The following TRIM32 variants were observed in gnomAD, a reference collection of about 807,000 sequenced individuals.
TRIM32 encodes E3 ubiquitin-protein ligase TRIM32.
A neutral mutation model predicts 36.0 loss-of-function variants in TRIM32; 19 were observed. The ratio of observed to expected loss-of-function variants is 0.53; its 90% CI spans 0.37 to 0.77. TRIM32 has a LOEUF of 0.77. Among genes scored for constraint, TRIM32 ranks in the 30% least tolerant of loss-of-function variants. The probability of loss-of-function intolerance (pLI) is 0.00; values close to 1 mark genes in which losing one functional copy is unlikely to be tolerated. For missense variants in TRIM32, 747 were observed against 845.2 expected (o/e 0.88, Z 1.44); for synonymous variants, 309 against 318.5 (o/e 0.97, Z 0.32).
chr9:116,687,353 G>T lies in TRIM32; in HGVS notation c.-110G>T. 1.2e-6 allele frequency: 1 copy of T among 803,244 alleles called. No individual in the cohort carries two copies. The highest frequency in any genetic ancestry group is 1.5e-6 in the Non-Finnish European group (1 of 664,338). 49.8% of individuals were successfully genotyped at this position (803,244 alleles called of 1,614,324 possible). On this transcript the variant is annotated 5_prime_UTR_variant, in exon 1 of 2. Transcript: ENST00000450136. ...GAGGCAGGCGGGTGGGCTGCCGGCG[G>T]TGGACTCGTCGGAGCCGCGGGCGGT...
chr9:116,697,838 G>A lies in TRIM32; in HGVS notation c.96G>A (p.Leu32=). 1 of 1,614,192 alleles carries A rather than the reference G, an allele frequency of 6.2e-7. No individual in the cohort carries two copies. The part of the protein sequence containing the change: ...ICMESFTEEQ[L]RPKLLHCGHT... ...TGGAGTCCTTCACAGAAGAGCAGCT[G>A]CGTCCCAAGCTTCTGCACTGTGGCC... Residue 32 remains leucine (L), a synonymous_variant, in exon 2 of 2, where the codon CTG becomes CTA. Transcript: ENST00000450136.
In TRIM32 at chr9:116,699,693, T is replaced by C. The variant is rs1402865703; in HGVS notation, c.1951T>C (p.Ser651Pro). ...CTACAGCTACCATCTGAGAAGATATTCCACCCCATAGGGGATGAGAAATTA... is the reference window on the plus strand; with the variant it reads ...CTACAGCTACCATCTGAGAAGATATCCCACCCCATAGGGGATGAGAAATTA... Reference protein sequence around the residue: ...KIYSYHLRRYSTP With the variant: ...KIYSYHLRRYPTP Residue 651 changes from serine to proline, a missense_variant, in exon 2 of 2, where the codon TCC becomes CCC. Transcript: ENST00000450136. The surrounding 1 kb of genome is among the most constrained non-coding windows in gnomAD (Gnocchi z 4.2). The C allele has an allele frequency of 1.2e-6, 2 of 1,614,212 alleles. No homozygotes were observed. Among genetic ancestry groups the C allele is most frequent in the Admixed American group, 3.3e-5 (2 of 60,022 alleles).
chr9:116,699,796 C>A lies in TRIM32; in HGVS notation c.*92C>A. 1 of 1,559,248 alleles carries A rather than the reference C, an allele frequency of 6.4e-7. No individual in the cohort carries two copies. Among genetic ancestry groups the A allele is most frequent in the Non-Finnish European group, 8.8e-7 (1 of 1,134,818 alleles). The stretch of plus-strand genomic sequence containing the variant: ...AGTGGCACATGCAGAATAGACTCAG[C>A]CTATGTCCTGATTCCAGCTGGGTAG... On this transcript the variant is annotated 3_prime_UTR_variant, in exon 2 of 2. Transcript: ENST00000450136. The surrounding 1 kb of genome is among the most constrained non-coding windows in gnomAD (Gnocchi z 4.2).
chr9:116,691,527 T>G (rs1017675861), intron 1 of TRIM32, among the ~76,000 whole-genome samples: 3 of 152,188 alleles, frequency 2.0e-5, no homozygotes, highest in Admixed American at 2.0e-4. Flanking sequence ...ATGTTTAACT[T>G]AGTAATTTAG....
intron 1 of TRIM32, among the ~76,000 whole-genome samples, chr9:116,695,453 C>T (rs1334024475): frequency 6.6e-6 from 1 of 152,138 alleles, no homozygotes; most frequent in East Asian, 1.9e-4. Flanking sequence ...AGATTGCATT[C>T]CAAAGCTAAT....
intron 1 of TRIM32, among the ~76,000 whole-genome samples, chr9:116,692,837 C>T (rs764873959): frequency 6.6e-6 from 1 of 152,114 alleles, no homozygotes; most frequent in Non-Finnish European, 1.5e-5. Flanking sequence ...CTGCAACCTC[C>T]ACTTCCTGGT....
At chr9:116,688,803 C>T (rs1365907505) in intron 1 of TRIM32, among the ~76,000 whole-genome samples, 41 of 151,998 alleles carry the variant, frequency 2.7e-4, no homozygotes, top group Non-Finnish European at 4.4e-5. Context: ...AGATCCATTA[C>T]AGCTTGAAGG....
At chr9:116,696,538 A>G (rs1860862787) in intron 1 of TRIM32, among the ~76,000 whole-genome samples, 2 of 151,810 alleles carry the variant, frequency 1.3e-5, no homozygotes, top group Non-Finnish European at 2.9e-5. Flanking sequence ...TTCCCTCTCC[A>G]TGTATTTATG....
At chr9:116,691,588 G>T (rs1860567853) in intron 1 of TRIM32, among the ~76,000 whole-genome samples, 1 of 152,106 alleles carries the variant, frequency 6.6e-6, no homozygotes. Flanking sequence ...CGTTTTGTTT[G>T]CCCCAGACTG....
chr9:116,687,440 G>T, intron 1 of TRIM32, 59 bp downstream of exon 1: 1 of 196,328 alleles, frequency 5.1e-6, no homozygotes, highest in Non-Finnish European at 9.1e-6. Flanking sequence ...GTGGGCCGTG[G>T]CTCAGCGGCC....
chr9:116,700,002 G>T lies in TRIM32; in HGVS notation c.*298G>T. The T allele has an allele frequency of 4.4e-6, 2 of 449,860 alleles. No homozygotes were observed. Among genetic ancestry groups the T allele is most frequent in the Non-Finnish European group, 8.2e-6 (2 of 242,974 alleles). The allele number at this position is 449,860 out of a possible 1,614,324, so 27.9% of individuals were successfully genotyped here. A position where few individuals can be genotyped will look rare whatever the true frequency, so the allele number is the denominator to read the frequency against. ...GGCTTTAGTAGAGAGAGCCACTTTA[G>T]CCCTTTGTGCCATGTTTGAAATTTG... On this transcript the variant is annotated 3_prime_UTR_variant, in exon 2 of 2. Coordinates refer to ENST00000450136, the MANE Select transcript of TRIM32 (RefSeq NM_012210.4).
intron 1 of TRIM32, among the ~76,000 whole-genome samples, chr9:116,688,340 G>A (rs1264210402): frequency 1.3e-5 from 2 of 152,100 alleles, no homozygotes; most frequent in East Asian, 3.9e-4. Flanking sequence ...AGGACCCTGA[G>A]TAGATTTGTG....
Position 116,698,343 on chromosome 9 carries a change from C to G in TRIM32, c.601C>G (p.Arg201Gly), listed in dbSNP as rs147304059. Residue 201 changes from arginine (R) to glycine (G), a missense_variant, in exon 2 of 2, where the codon CGC becomes GGC. Arg to Gly is a moderately radical substitution (Grantham distance 125, BLOSUM62 -2). Coordinates refer to ENST00000450136, the MANE Select transcript of TRIM32 (RefSeq NM_012210.4). The surrounding 1 kb of genome is among the most constrained non-coding windows in gnomAD (Gnocchi z 4.4). ...EERRVQDELA[R>G]SRKFFTGSLA... ...GCGCAGGGTCCAGGATGAGCTGGCT[C>G]GCTCTCGGAAGTTCTTCACAGGCTC... 1 of 1,614,098 alleles carries G rather than the reference C, an allele frequency of 6.2e-7. No homozygotes were observed. Among genetic ancestry groups the G allele is most frequent in the Admixed American group, 1.7e-5 (1 of 60,022 alleles).
intron 1 of TRIM32, among the ~76,000 whole-genome samples, chr9:116,694,457 C>CTCTT (rs1461865399): frequency 6.6e-5 from 4 of 60,384 alleles, no homozygotes; most frequent in Non-Finnish European, 1.2e-4. Context: ...GTTGTAATTT[C>CTCTT]TCTTTTTTTT....
Position 116,699,924 on chromosome 9 carries a change from T to C in TRIM32, c.*220T>C. 6 of 654,492 alleles carry C rather than the reference T, an allele frequency of 9.2e-6. No homozygotes were observed. Among genetic ancestry groups the C allele is most frequent in the South Asian group, 2.0e-5 (1 of 49,840 alleles). 40.5% of individuals were successfully genotyped at this position (654,492 alleles called of 1,614,324 possible). A position where few individuals can be genotyped will look rare whatever the true frequency, so the allele number is the denominator to read the frequency against. ...AGCTTTAAAAGATGCACTGCCCAAA[T>C]AGGACACACGATGGTGTTAGCTGAA... On this transcript the variant is annotated 3_prime_UTR_variant, in exon 2 of 2. Coordinates refer to ENST00000450136, the MANE Select transcript of TRIM32 (RefSeq NM_012210.4). The surrounding 1 kb of genome is among the most constrained non-coding windows in gnomAD (Gnocchi z 4.2).
chr9:116,691,578 C>T (rs1032648478), intron 1 of TRIM32, among the ~76,000 whole-genome samples: 9 of 152,274 alleles, frequency 5.9e-5, no homozygotes, highest in African/African-American at 1.4e-4. Context: ...CCTTCTGGAT[C>T]GTTTTGTTTG....
chr9:116,688,715 T>C (rs931387346), intron 1 of TRIM32, among the ~76,000 whole-genome samples: 1 of 152,146 alleles, frequency 6.6e-6, no homozygotes, highest in Admixed American at 6.5e-5. Context: ...AAGCCCTTTT[T>C]CCCTGTACCC....
chr9:116,697,080 C>A lies in TRIM32; in HGVS notation c.-81-582C>A, dbSNP rs186206606. Among the ~76,000 whole-genome samples the A allele has an allele frequency of 6.6e-4, 101 of 152,182 alleles. No individual in the cohort carries two copies. In the East Asian group the frequency reaches 0.018, roughly 27 times the overall value. ...GAAACTGCTTTTGGGAAGCCTTCCC[C>A]AAGTCTGTTAGGTAGAATCCATCAT... On this transcript the variant is annotated intron_variant, in intron 1 of 1. Transcript: ENST00000450136.
At chr9:116,693,042 A>G (rs1214055152) in intron 1 of TRIM32, among the ~76,000 whole-genome samples, 1 of 152,142 alleles carries the variant, frequency 6.6e-6, no homozygotes, top group East Asian at 1.9e-4. Flanking sequence ...ATATGCCTTT[A>G]TATGCCATGA....
Sources: allele counts gnomAD v4.1 joint callset (sites outside exome capture counted in the v4.1 genomes callset), GRCh38; gene constraint gnomAD v4.1.1; non-coding constraint Gnocchi (gnomAD v3.1); transcripts MANE v1.5; gene names NCBI Gene and HGNC (gene_info 2026-07-23, HGNC 2026-07-21).